PCDH15: variants seen among roughly 807,000 people sequenced by gnomAD.
PCDH15 encodes protocadherin-15.
In PCDH15, 129 loss-of-function variants were observed where a neutral mutation model predicts 178.5. The observed-to-expected ratio is 0.72, with a 90% CI of 0.63 to 0.84. The LOEUF (loss-of-function observed/expected upper bound fraction) is 0.84. Among genes scored for constraint, PCDH15 ranks in the 40% least tolerant of loss-of-function variants. The pLI is 0.00. For missense variants in PCDH15, 2,230 were observed against 2,099.9 expected (o/e 1.06, Z -1.21); for synonymous variants, 800 against 732.0 (o/e 1.09, Z -1.50).
At chr10:55,288,914 C>T (rs2132265982) in intron 1 of PCDH15, among the ~76,000 whole-genome samples, 1 of 150,262 alleles carries the variant, frequency 6.7e-6, no homozygotes, top group South Asian at 2.1e-4. Context: ...GTGGATTATA[C>T]AGTAATTCTA....
At chr10:54,995,520 A>G (rs1046358501) in intron 2 of PCDH15, among the ~76,000 whole-genome samples, 1 of 151,982 alleles carries the variant, frequency 6.6e-6, no homozygotes, top group African/African-American at 2.4e-5. Context: ...AATTTTGCCC[A>G]TAACAACTTC....
intron 9 of PCDH15, among the ~76,000 whole-genome samples, chr10:54,222,487 C>T (rs1338256229): frequency 2.0e-5 from 3 of 152,178 alleles, no homozygotes; most frequent in East Asian, 1.9e-4. Context: ...TTAGAGATTC[C>T]TCCAAGTTGC....
chr10:54,290,629 G>T (rs747427168), intron 8 of PCDH15, among the ~76,000 whole-genome samples: 4 of 152,158 alleles, frequency 2.6e-5, no homozygotes, highest in African/African-American at 4.8e-5. Context: ...AGATCAATCA[G>T]TGTGCTGTAT....
intron 18 of PCDH15, among the ~76,000 whole-genome samples, chr10:54,066,519 T>A (rs1201178467): frequency 6.6e-6 from 1 of 152,152 alleles, no homozygotes; most frequent in Non-Finnish European, 1.5e-5. Flanking sequence ...TATATTAAAT[T>A]AGCATACTAT....
intron 3 of PCDH15, among the ~76,000 whole-genome samples, chr10:54,863,789 G>T (rs1054901078): frequency 1.3e-5 from 2 of 152,152 alleles, no homozygotes; most frequent in Non-Finnish European, 2.9e-5. Context: ...TAAACCTCCA[G>T]TGGAACCGCC....
chr10:55,286,766 A>T (rs994128676), intron 1 of PCDH15, among the ~76,000 whole-genome samples: 1 of 152,000 alleles, frequency 6.6e-6, no homozygotes, highest in East Asian at 1.9e-4. Flanking sequence ...CATATTGAAA[A>T]GTCAGGCTTC....
intron 2 of PCDH15, among the ~76,000 whole-genome samples, chr10:55,482,430 T>C (rs913548241): frequency 2.6e-5 from 4 of 151,806 alleles, no homozygotes; most frequent in African/African-American, 9.7e-5. Flanking sequence ...TCTCTAAACT[T>C]CAGTGTTTTT....
At chr10:54,273,311 C>CA (rs1179806776) in intron 8 of PCDH15, among the ~76,000 whole-genome samples, 1 of 148,408 alleles carries the variant, frequency 6.7e-6, no homozygotes, top group African/African-American at 2.5e-5. Flanking sequence ...TATAAACACA[C>CA]AAAATAAGTG....
intron 20 of PCDH15, among the ~76,000 whole-genome samples, chr10:54,001,338 G>T (rs1378020751): frequency 6.6e-6 from 1 of 152,008 alleles, no homozygotes; most frequent in Non-Finnish European, 1.5e-5. Flanking sequence ...ATGTTAAGTA[G>T]AAAGACTAAA....
At chr10:54,488,059 T>A (rs894385970) in intron 3 of PCDH15, among the ~76,000 whole-genome samples, 1 of 151,800 alleles carries the variant, frequency 6.6e-6, no homozygotes, top group African/African-American at 2.4e-5. Flanking sequence ...CAGCAAAAGA[T>A]AATTATAAAT....
intron 3 of PCDH15, among the ~76,000 whole-genome samples, chr10:54,436,535 A>G (rs1310230378): frequency 6.6e-6 from 1 of 152,134 alleles, no homozygotes; most frequent in East Asian, 1.9e-4. Flanking sequence ...CAGAAGTTTC[A>G]CTCCAAGGGC....
intron 3 of PCDH15, among the ~76,000 whole-genome samples, chr10:54,502,486 G>T (rs12255357): frequency 5.9e-5 from 9 of 152,048 alleles, no homozygotes; most frequent in Admixed American, 1.3e-4. Context: ...ACTTACTTAC[G>T]CATCTTTTTC....
intron 2 of PCDH15, among the ~76,000 whole-genome samples, chr10:55,146,128 C>T (rs1263181290): frequency 6.6e-6 from 1 of 151,946 alleles, no homozygotes; most frequent in Non-Finnish European, 1.5e-5. Flanking sequence ...AACCACTATA[C>T]CTTTTGTACT....
At chr10:53,931,838 A>T (rs2085089904) in intron 25 of PCDH15, among the ~76,000 whole-genome samples, 1 of 152,192 alleles carries the variant, frequency 6.6e-6, no homozygotes. Context: ...TCCCCAGCTT[A>T]GATATGTTAA....
chr10:53,957,499 CTA>C (rs2087735479), intron 23 of PCDH15, among the ~76,000 whole-genome samples: 1 of 68,270 alleles, frequency 1.5e-5, no homozygotes, highest in African/African-American at 4.8e-5. Context: ...CCTATATTTA[CTA>C]TGTTTTTTTT....
At chr10:54,727,058 G>T (rs1942652398) in intron 1 of PCDH15, among the ~76,000 whole-genome samples, 1 of 151,254 alleles carries the variant, frequency 6.6e-6, no homozygotes. Context: ...ACTCAGGAAA[G>T]ACATTTGAGA....
At chr10:55,329,861 C>A (rs1844150314) in intron 2 of PCDH15, among the ~76,000 whole-genome samples, 1 of 151,694 alleles carries the variant, frequency 6.6e-6, no homozygotes, top group African/African-American at 2.4e-5. Context: ...GGTATTAACA[C>A]CTTCCCAAGA....
chr10:54,815,303 T>C (rs529007301), intron 3 of PCDH15, among the ~76,000 whole-genome samples: 34 of 152,128 alleles, frequency 2.2e-4, no homozygotes, highest in Non-Finnish European at 4.4e-4. Context: ...ATATATCTAT[T>C]ATAAAAACTT....
chr10:54,301,917 A>G (rs893902812), intron 8 of PCDH15, among the ~76,000 whole-genome samples: 2 of 152,152 alleles, frequency 1.3e-5, no homozygotes, highest in East Asian at 3.9e-4. Flanking sequence ...ATCTTTATAT[A>G]TCCCTTACAA....
Sources: allele counts gnomAD v4.1 joint callset (sites outside exome capture counted in the v4.1 genomes callset), GRCh38; gene constraint gnomAD v4.1.1; transcripts MANE v1.5; gene names NCBI Gene and HGNC (gene_info 2026-07-23, HGNC 2026-07-21).